The following ATP6V1C1 variants were observed in gnomAD, a reference collection of about 807,000 sequenced individuals.
ATP6V1C1 encodes V-type proton ATPase subunit C 1.
Under a neutral mutation model 53.9 loss-of-function variants are expected in ATP6V1C1, and 45 were observed. The ratio of observed to expected loss-of-function variants is 0.83; its 90% confidence interval spans 0.66 to 1.07. The LOEUF (loss-of-function observed/expected upper bound fraction) is 1.07. Ranked by LOEUF, ATP6V1C1 falls within the 50% of genes least tolerant of loss-of-function variation. The pLI is 0.00. For synonymous variants in ATP6V1C1, 153 were observed against 155.2 expected (o/e 0.99, Z 0.11); for missense variants, 315 against 440.3 (o/e 0.72, Z 2.55).
chr8:103,066,509 AAAG>A (rs1370832644), intron 12 of ATP6V1C1, 62 bp downstream of exon 12: 4 of 1,467,246 alleles, frequency 2.7e-6, no homozygotes, highest in Non-Finnish European at 2.7e-6. Flanking sequence ...AAAATGATTG[AAAG>A]AAGATAGACA....
chr8:103,040,424 A>AG (rs1174707755), intron 1 of ATP6V1C1, among the ~76,000 whole-genome samples: 1 of 152,092 alleles, frequency 6.6e-6, no homozygotes, highest in East Asian at 1.9e-4. Flanking sequence ...AAAAAAAAAA[A>AG]AAAGTTTAAG....
chr8:103,032,515 A>T, intron 1 of ATP6V1C1, among the ~76,000 whole-genome samples: 1 of 146,312 alleles, frequency 6.8e-6, no homozygotes. Context: ...TTCTTTCCTC[A>T]CTCTGCTGTC....
intron 1 of ATP6V1C1, among the ~76,000 whole-genome samples, chr8:103,038,695 A>G (rs1429569776): frequency 6.6e-6 from 1 of 152,228 alleles, no homozygotes; most frequent in Non-Finnish European, 1.5e-5. Context: ...GGATAATTCT[A>G]AAAATAGGTT....
At chr8:103,066,546 CTT>C in intron 12 of ATP6V1C1, 99 bp downstream of exon 12, 1 of 1,299,890 alleles carries the variant, frequency 7.7e-7, no homozygotes, top group Non-Finnish European at 1.0e-6. Flanking sequence ...AAGTATGAAA[CTT>C]AATCATTTTT....
At chr8:103,061,288 C>A (rs1817391256) in intron 8 of ATP6V1C1, among the ~76,000 whole-genome samples, 3 of 152,178 alleles carry the variant, frequency 2.0e-5, no homozygotes, top group Admixed American at 1.3e-4. Flanking sequence ...GTCTGCTGGT[C>A]ATACACTAGG....
chr8:103,061,483 C>T (rs1376781835), intron 8 of ATP6V1C1, among the ~76,000 whole-genome samples: 1 of 152,116 alleles, frequency 6.6e-6, no homozygotes, highest in Non-Finnish European at 1.5e-5. Flanking sequence ...CCCCAGCATT[C>T]CTCCATTTTG....
intron 12 of ATP6V1C1, among the ~76,000 whole-genome samples, chr8:103,067,396 C>CA (rs751801442): frequency 0.024 from 1,691 of 71,642 alleles, 17 homozygotes; most frequent in African/African-American, 0.049. Context: ...GACTCCGTCC[C>CA]AAAAAAAAAA....
intron 1 of ATP6V1C1, among the ~76,000 whole-genome samples, chr8:103,029,002 A>G (rs1054209710): frequency 2.6e-5 from 4 of 152,168 alleles, no homozygotes; most frequent in African/African-American, 9.7e-5. Flanking sequence ...TTGTGTTTAC[A>G]TGTAATAATT....
chr8:103,037,191 T>G (rs1027214772), intron 1 of ATP6V1C1, among the ~76,000 whole-genome samples: 2 of 152,126 alleles, frequency 1.3e-5, no homozygotes, highest in African/African-American at 4.8e-5. Context: ...TCCACGAGAT[T>G]TCAGCAGGGA....
In ATP6V1C1 at chr8:103,055,858, T is replaced by C; in HGVS notation, c.573-10T>C. On this transcript the variant is annotated splice_polypyrimidine_tract_variant and intron_variant, in intron 7 of 12. Coordinates refer to ENST00000518738, the MANE Select transcript of ATP6V1C1 (RefSeq NM_001695.5). ...TTTCTTTTCCAATGTGTATTGTACC[T>C]TTTCTGCAGGTTAAACCACAACGAC... 2 of 1,610,534 alleles carry C rather than the reference T, an allele frequency of 1.2e-6. No individual in the cohort carries two copies. Among genetic ancestry groups the C allele is most frequent in the Admixed American group, 1.7e-5 (1 of 59,832 alleles).
chr8:103,046,545 T>C (rs1225759841), intron 3 of ATP6V1C1, among the ~76,000 whole-genome samples: 2 of 152,132 alleles, frequency 1.3e-5, no homozygotes, highest in Non-Finnish European at 2.9e-5. Context: ...ATCTGAAAAG[T>C]ATTAAGGACA....
At chr8:103,057,155 A>G (rs1817301993) in intron 8 of ATP6V1C1, among the ~76,000 whole-genome samples, 2 of 152,224 alleles carry the variant, frequency 1.3e-5, no homozygotes, top group Admixed American at 1.3e-4. Context: ...AGACCTGAGC[A>G]GTGGCTCAAG....
chr8:103,039,392 C>A lies in ATP6V1C1; in HGVS notation c.-39-1406C>A, dbSNP rs926181932. Among the ~76,000 whole-genome samples the A allele has an allele frequency of 2.0e-5, 3 of 152,090 alleles. No individual in the cohort carries two copies. The East Asian group carries it at 5.8e-4, about 29-fold the overall frequency. On this transcript the variant is annotated intron_variant, in intron 1 of 12. Coordinates refer to ENST00000518738, the MANE Select transcript of ATP6V1C1 (RefSeq NM_001695.5). ...TAGGTACTTTAATTAAATTTTAGGA[C>A]TACTGTAATTATGAAAGTCCATTAT...
intron 1 of ATP6V1C1, among the ~76,000 whole-genome samples, chr8:103,029,151 T>C (rs1816749274): frequency 6.6e-6 from 1 of 152,208 alleles, no homozygotes; most frequent in Non-Finnish European, 1.5e-5. Flanking sequence ...TTTTCTTTCT[T>C]AAGATCGGCA....
In ATP6V1C1 at chr8:103,063,014, T is replaced by C; in HGVS notation, c.701T>C (p.Val234Ala). The stretch of plus-strand genomic sequence containing the variant: ...AATGTCACCTTGTTTAGGAAGGCAG[T>C]TGATGACTTCAGACACAAAGCCAGA... ...LCNVTLFRKA[V>A]DDFRHKAREN... Residue 234 changes from valine to alanine, a missense_variant, in exon 9 of 13, where the codon GTT (valine) becomes GCT (alanine). Coordinates refer to ENST00000518738, the MANE Select transcript of ATP6V1C1 (RefSeq NM_001695.5). 1 of 1,613,970 alleles carries C rather than the reference T, an allele frequency of 6.2e-7. No homozygotes were observed. Among genetic ancestry groups the C allele is most frequent in the South Asian group, 1.1e-5 (1 of 91,084 alleles).
intron 5 of ATP6V1C1, 149 bp from the exon 6 acceptor site, chr8:103,052,582 T>G (rs1281635131): frequency 6.6e-5 from 26 of 395,592 alleles, no homozygotes; most frequent in Non-Finnish European, 2.2e-5. Flanking sequence ...AATGACCTCC[T>G]AAAGTCGTGC....
chr8:103,050,141 C>T (rs968450832), intron 4 of ATP6V1C1, among the ~76,000 whole-genome samples: 5 of 152,170 alleles, frequency 3.3e-5, no homozygotes, highest in Admixed American at 6.5e-5. Flanking sequence ...TATTCTTGCT[C>T]TTTGTTATCA....
At position 103,070,508 on chromosome 8, in the gene ATP6V1C1, G is replaced by T. The variant is rs1817568370; in HGVS notation, c.*1761G>T. 1 of 152,168 alleles carries T rather than the reference G, an allele frequency of 6.6e-6. No homozygotes were observed. The highest frequency in any genetic ancestry group is 2.4e-5 in the African/African-American group (1 of 41,436). 9.4% of individuals were successfully genotyped at this position (152,168 alleles called of 1,614,324 possible). A position where few individuals can be genotyped will look rare whatever the true frequency, so the allele number is the denominator to read the frequency against. On this transcript the variant is annotated 3_prime_UTR_variant, in exon 13 of 13. Transcript: ENST00000518738. ...TGCTATCAGAAAATTTTGGTTCTTTGTCTTTTGCACATGTTCTTTGAGTCT... is the reference window on the plus strand; with the variant it reads ...TGCTATCAGAAAATTTTGGTTCTTTTTCTTTTGCACATGTTCTTTGAGTCT...
Position 103,043,621 on chromosome 8 carries a change from G to A in ATP6V1C1, c.200+1214G>A, listed in dbSNP as rs550221447. On this transcript the variant is annotated intron_variant, in intron 3 of 12. Coordinates refer to ENST00000518738, the MANE Select transcript of ATP6V1C1 (RefSeq NM_001695.5). ...GCTGGGATTACAGGCGTGAGCCACC[G>A]CGCCCGGCTGATAATATCTCATTTT... is the stretch of plus-strand genomic sequence containing the variant. Among the ~76,000 whole-genome samples, 23 of 151,892 alleles carry A rather than the reference G, an allele frequency of 1.5e-4. 1 individual carries two copies. In the South Asian group the frequency reaches 3.5e-3, roughly 23 times the overall value.
Sources: gnomAD v4.1 joint callset for allele counts (sites outside exome capture counted in the v4.1 genomes callset) on GRCh38, gnomAD v4.1.1 for gene constraint, MANE v1.5 for transcripts, NCBI Gene and HGNC (gene_info 2026-07-23, HGNC 2026-07-21) for gene names.